DYNC1H1: variants seen among roughly 807,000 people sequenced by gnomAD.
DYNC1H1 encodes the protein cytoplasmic dynein 1 heavy chain 1.
A neutral mutation model predicts 527.1 loss-of-function variants in DYNC1H1; 51 were observed. The ratio of observed to expected loss-of-function variants is 0.10; its 90% CI spans 0.08 to 0.12. DYNC1H1 has a LOEUF of 0.12. DYNC1H1 is among the 10% of genes least tolerant of loss of function. The pLI is 1.00. For missense variants in DYNC1H1, 2,771 were observed against 5,971.8 expected (o/e 0.46, Z 17.66); for synonymous variants, 2,189 against 2,278.8 (o/e 0.96, Z 1.12).
At chr14:101,994,542 G>A in intron 12 of DYNC1H1, 131 bp from the exon 13 acceptor site, 3 of 1,374,404 alleles carry the variant, frequency 2.2e-6, no homozygotes, top group Admixed American at 2.1e-5. Flanking sequence ...AATTCTGAGA[G>A]TCTGAAGTGA....
intron 1 of DYNC1H1, among the ~76,000 whole-genome samples, chr14:101,966,113 A>T (rs1031959845): frequency 6.6e-6 from 1 of 152,208 alleles, no homozygotes; most frequent in Non-Finnish European, 1.5e-5. Flanking sequence ...TAAAATTTCA[A>T]AAAACTGTAT....
chr14:102,032,602 AG>A, intron 52 of DYNC1H1, 135 bp downstream of exon 52: 2 of 1,204,168 alleles, frequency 1.7e-6, no homozygotes, highest in Middle Eastern at 2.2e-4. Flanking sequence ...CTCCAATCCC[AG>A]AACTTTGGGA....
intron 41 of DYNC1H1, among the ~76,000 whole-genome samples, chr14:102,019,109 A>T (rs2048356863): frequency 6.6e-6 from 1 of 152,192 alleles, no homozygotes; most frequent in African/African-American, 2.4e-5. Flanking sequence ...ATGCATGTGT[A>T]TGTATGTGTA....
intron 57 of DYNC1H1, chr14:102,037,086 G>C: frequency 4.7e-6 from 1 of 213,900 alleles, no homozygotes; most frequent in Non-Finnish European, 9.5e-6. Flanking sequence ...GACAGAAAGA[G>C]ACTGTATCTT....
In DYNC1H1 at chr14:102,049,620, C is replaced by G. The variant is rs373291549; in HGVS notation, c.13515+38C>G. On this transcript the variant is annotated intron_variant, in intron 75 of 77. Coordinates refer to ENST00000360184, the MANE Select transcript of DYNC1H1 (RefSeq NM_001376.5). This position sits in a 1 kb window ranked among gnomAD's most constrained non-coding sequence, Gnocchi z 5.5. ...CTGACGAGTCTCGGGTGGTCAGCAG[C>G]TGTCCTGGGCTGGGGTGGGAGTGGC... 3.1e-6 allele frequency: 5 copies of G among 1,613,102 alleles called. No homozygotes were observed. The highest frequency in any genetic ancestry group is 4.2e-6 in the Non-Finnish European group (5 of 1,180,020).
At chr14:102,003,396 G>A (rs970390183) in intron 23 of DYNC1H1, among the ~76,000 whole-genome samples, 6 of 151,566 alleles carry the variant, frequency 4.0e-5, no homozygotes, top group South Asian at 2.1e-4. Flanking sequence ...TGAGTAACTG[G>A]GATTACAGGT....
rs912121482 is a variant in DYNC1H1 at position 102,008,052 on chromosome 14, C to T, written c.5818-126C>T. The T allele has an allele frequency of 5.6e-5, 76 of 1,348,338 alleles. 2 individuals carry two copies. The Middle Eastern group carries it at 1.0e-3, about 18-fold the overall frequency. 83.5% of individuals were successfully genotyped at this position (1,348,338 alleles called of 1,614,324 possible). On this transcript the variant is annotated intron_variant, in intron 28 of 77. Coordinates refer to ENST00000360184, the MANE Select transcript of DYNC1H1 (RefSeq NM_001376.5). ...ATTTAACCTTAGTTATGTCCTTACA[C>T]GCTCTTTCGCTAAAGACAAACCCAC...
chr14:101,983,636 GTTTTGTTTTTGT>G lies in DYNC1H1; in HGVS notation c.1461+37_1461+48del, dbSNP rs746861110. Reference sequence around the variant, plus strand: ...TAAGATTTGCATTCTAAAAGTTTGTGTTTTGTTTTTGTTTTTGTTTTGTTTTTTGTTTGGTGT... The same window carrying G: ...TAAGATTTGCATTCTAAAAGTTTGTGTTTTGTTTTGTTTTTTGTTTGGTGT... On this transcript the variant is annotated intron_variant, in intron 7 of 77. Transcript: ENST00000360184. The surrounding 1 kb of genome is among the most constrained non-coding windows in gnomAD (Gnocchi z 5.3). 3.8e-5 allele frequency: 61 copies of G among 1,604,084 alleles called. No homozygotes were observed. Among genetic ancestry groups the G allele is most frequent in the Non-Finnish European group, 5.2e-5 (61 of 1,174,280 alleles).
At chr14:101,984,701 G>C (rs1236720729) in intron 7 of DYNC1H1, among the ~76,000 whole-genome samples, 1 of 150,898 alleles carries the variant, frequency 6.6e-6, no homozygotes, top group Non-Finnish European at 1.5e-5. Flanking sequence ...GGGATGCCGA[G>C]GCAGGCGGAT....
intron 7 of DYNC1H1, among the ~76,000 whole-genome samples, chr14:101,984,333 C>T (rs1055228051): frequency 1.0e-4 from 15 of 144,746 alleles, no homozygotes; most frequent in Non-Finnish European, 1.5e-4. Flanking sequence ...TTAACTACTT[C>T]TTTCTGTTGT....
Position 102,042,221 on chromosome 14 carries a change from G to A in DYNC1H1, c.12215-7G>A. 2 of 1,614,066 alleles carry A rather than the reference G, an allele frequency of 1.2e-6. No individual in the cohort carries two copies. The highest frequency in any genetic ancestry group is 2.2e-5 in the East Asian group (1 of 44,856). Reference sequence around the variant, plus strand: ...GCCGCTGCTAACACTAAGTTTCCCTGCACCAGGCTCTGCAGAAGGCTTTAA... The same window carrying A: ...GCCGCTGCTAACACTAAGTTTCCCTACACCAGGCTCTGCAGAAGGCTTTAA... On this transcript the variant is annotated splice_polypyrimidine_tract_variant and splice_region_variant and intron_variant, in intron 66 of 77. Transcript: ENST00000360184. The surrounding 1 kb of genome is among the most constrained non-coding windows in gnomAD (Gnocchi z 5.7).
In DYNC1H1 at chr14:102,029,382, T is replaced by G; in HGVS notation, c.9469-157T>G. On this transcript the variant is annotated intron_variant, in intron 48 of 77. Transcript: ENST00000360184. This position sits in a 1 kb window ranked among gnomAD's most constrained non-coding sequence, Gnocchi z 5.3. ...GAAGTGTAAGGGGTATCTCGAAAGC[T>G]CTAAGTGGCTAAGCTGAGGCCCGAC... 1.1e-6 allele frequency: 1 copy of G among 884,424 alleles called. No homozygotes were observed. The highest frequency in any genetic ancestry group is 1.5e-5 in the South Asian group (1 of 65,758). 54.8% of individuals were successfully genotyped at this position (884,424 alleles called of 1,614,324 possible). A position where few individuals can be genotyped will look rare whatever the true frequency, so the allele number is the denominator to read the frequency against.
At position 102,002,737 on chromosome 14, in the gene DYNC1H1, G is replaced by A; in HGVS notation, c.4709+34G>A. On this transcript the variant is annotated intron_variant, in intron 22 of 77. Coordinates refer to ENST00000360184, the MANE Select transcript of DYNC1H1 (RefSeq NM_001376.5). This position sits in a 1 kb window ranked among gnomAD's most constrained non-coding sequence, Gnocchi z 4.4. ...TCCAGCCAGAGAGCCAAATTTGCCA[G>A]CGGCTAGTGACTACTCTACACAAAG... The A allele has an allele frequency of 2.5e-6, 4 of 1,614,222 alleles. No individual in the cohort carries two copies. Among genetic ancestry groups the A allele is most frequent in the Non-Finnish European group, 3.4e-6 (4 of 1,180,034 alleles).
intron 10 of DYNC1H1, among the ~76,000 whole-genome samples, chr14:101,990,727 T>A (rs1304098403): frequency 3.3e-5 from 5 of 150,656 alleles, no homozygotes; most frequent in Admixed American, 3.3e-4. Context: ...GTACAAAAAT[T>A]AGGCCGGGCG....
Position 102,005,283 on chromosome 14 carries a change from C to T in DYNC1H1, c.5433+47C>T. 1.2e-6 allele frequency: 2 copies of T among 1,606,342 alleles called. No homozygotes were observed. Among genetic ancestry groups the T allele is most frequent in the South Asian group, 1.1e-5 (1 of 90,864 alleles). On this transcript the variant is annotated intron_variant, in intron 26 of 77. Transcript: ENST00000360184. The surrounding 1 kb of genome is among the most constrained non-coding windows in gnomAD (Gnocchi z 4.0). ...TTCCTTACCAGTTAGACTCTTACAC[C>T]CTCAACCACACAGTTAAATGGAAAT...
Position 102,011,624 on chromosome 14 carries a change from C to T in DYNC1H1, c.6619-251C>T, listed in dbSNP as rs2720197. On this transcript the variant is annotated intron_variant, in intron 32 of 77. Transcript: ENST00000360184. This position sits in a 1 kb window ranked among gnomAD's most constrained non-coding sequence, Gnocchi z 5.3. The stretch of plus-strand genomic sequence containing the variant: ...TTGCCTTTAATAATCCATAGATAGG[C>T]GCTTGTAAAGCCAGCTACTTGGGAG... 1,997 of 509,824 alleles carry T rather than the reference C, an allele frequency of 3.9e-3. 25 individuals carry two copies. The highest frequency in any genetic ancestry group is 0.035 in the African/African-American group (1,811 of 51,976). The allele number at this position is 509,824 out of a possible 1,614,324, so 31.6% of individuals were successfully genotyped here.
At chr14:102,048,469 GAAAGGACCTCT>G (rs2048757776) in intron 73 of DYNC1H1, 36 bp from the exon 74 acceptor site, 3 of 1,613,332 alleles carry the variant, frequency 1.9e-6, no homozygotes, top group Non-Finnish European at 2.5e-6. Flanking sequence ...TTACACTGGA[GAAAGGACCTCT>G]TCCTAACTTC....
Position 102,017,005 on chromosome 14 carries a change from G to C in DYNC1H1, c.7848+6G>C. On this transcript the variant is annotated splice_donor_region_variant and intron_variant, in intron 38 of 77. Transcript: ENST00000360184. This position sits in a 1 kb window ranked among gnomAD's most constrained non-coding sequence, Gnocchi z 4.6. Reference sequence around the variant, plus strand: ...GGGCCTTGCCTGACATGGAGGTAAAGAGGCCAGGAGGTGGGCAGCAGACCT... The same window carrying C: ...GGGCCTTGCCTGACATGGAGGTAAACAGGCCAGGAGGTGGGCAGCAGACCT... 6.2e-7 allele frequency: 1 copy of C among 1,614,274 alleles called. No homozygotes were observed. The highest frequency in any genetic ancestry group is 8.5e-7 in the Non-Finnish European group (1 of 1,180,054).
Position 102,053,761 on chromosome 14 carries a change from T to TTTTG in DYNC1H1, c.*3201_*3202insGTTT, listed in dbSNP as rs2048848497. The TTTTG allele has an allele frequency of 6.6e-6, 1 of 151,602 alleles. No homozygotes were observed. The highest frequency in any genetic ancestry group is 2.4e-5 in the African/African-American group (1 of 41,206). 9.4% of individuals were successfully genotyped at this position (151,602 alleles called of 1,614,324 possible). A position where few individuals can be genotyped will look rare whatever the true frequency, so the allele number is the denominator to read the frequency against. ...TCGGCCTCTTTGTTTGTTTTTTTTTTTTTTTGAGACAGTCTGGCTCTGTCA... is the reference window on the plus strand; with the variant it reads ...TCGGCCTCTTTGTTTGTTTTTTTTTTTTTGTTTTTGAGACAGTCTGGCTCTGTCA... On this transcript the variant is annotated 3_prime_UTR_variant, in exon 78 of 78. Transcript: ENST00000360184.
Sources: allele counts gnomAD v4.1 joint callset (sites outside exome capture counted in the v4.1 genomes callset), GRCh38; gene constraint gnomAD v4.1.1; non-coding constraint Gnocchi (gnomAD v3.1); transcripts MANE v1.5; gene names NCBI Gene and HGNC (gene_info 2026-07-23, HGNC 2026-07-21).